Variants in PARL observed in about 807,000 individuals in gnomAD.
The protein encoded by PARL is presenilin-associated rhomboid-like protein, mitochondrial.
In PARL, 44 loss-of-function variants were observed where a neutral mutation model predicts 51.6. The ratio of observed to expected loss-of-function variants is 0.85; its 90% CI spans 0.67 to 1.10. The LOEUF is 1.10. Ranked by LOEUF, PARL falls within the 50% of genes least tolerant of loss-of-function variation. The pLI, the probability that PARL is intolerant of heterozygous loss-of-function variation, is 0.00. For synonymous variants in PARL, 172 were observed against 164.0 expected (o/e 1.05, Z -0.37); for missense variants, 441 against 469.5 (o/e 0.94, Z 0.56).
chr3:183,880,546 C>T lies in PARL; in HGVS notation c.125+4176G>A, dbSNP rs943690083. On this transcript the variant is annotated intron_variant, in intron 1 of 9. Coordinates refer to ENST00000317096, the MANE Select transcript of PARL (RefSeq NM_018622.7). ...CCTCCCAAGTAGCTGAGATTACAGGCGCCTGCCACCACACCTGGCTAATTT... is the reference window on the plus strand; with the variant it reads ...CCTCCCAAGTAGCTGAGATTACAGGTGCCTGCCACCACACCTGGCTAATTT... Among the ~76,000 whole-genome samples the T allele has an allele frequency of 4.6e-5, 7 of 151,956 alleles. No homozygotes were observed. In the East Asian group the frequency reaches 5.8e-4, roughly 13 times the overall value.
chr3:183,840,713 T>C (rs1278871455), intron 6 of PARL, 73 bp from the exon 7 acceptor site: 6 of 801,614 alleles, frequency 7.5e-6, no homozygotes, highest in African/African-American at 1.8e-5. Context: ...TCTTTTCTTT[T>C]TTTTTTTTTT....
intron 1 of PARL, among the ~76,000 whole-genome samples, chr3:183,871,517 CAA>C (rs10718782): frequency 0.021 from 1,808 of 87,794 alleles, 26 homozygotes; most frequent in African/African-American, 0.067. Flanking sequence ...TACACTTGGC[CAA>C]AAAAAAAAAA....
intron 1 of PARL, among the ~76,000 whole-genome samples, chr3:183,868,932 CAGTT>C (rs1027829131): frequency 6.6e-6 from 1 of 152,080 alleles, no homozygotes; most frequent in African/African-American, 2.4e-5. Context: ...GTTACCCCAA[CAGTT>C]AAAAAAAAAT....
At chr3:183,847,298 C>T (rs2108624841) in intron 4 of PARL, among the ~76,000 whole-genome samples, 1 of 152,286 alleles carries the variant, frequency 6.6e-6, no homozygotes, top group East Asian at 1.9e-4. Flanking sequence ...GTGGCTCACG[C>T]CTATAATCCT....
At chr3:183,841,133 A>T (rs561144172) in intron 6 of PARL, among the ~76,000 whole-genome samples, 1 of 152,286 alleles carries the variant, frequency 6.6e-6, no homozygotes, top group Admixed American at 6.5e-5. Context: ...CAGACACACG[A>T]AATCAGAATA....
At chr3:183,864,403 G>T (rs185200604) in intron 3 of PARL, among the ~76,000 whole-genome samples, 2 of 152,166 alleles carry the variant, frequency 1.3e-5, no homozygotes, top group African/African-American at 4.8e-5. Context: ...TAAAAAAACA[G>T]AAGTGCTTGA....
intron 4 of PARL, among the ~76,000 whole-genome samples, chr3:183,848,995 T>C (rs1577321217): frequency 6.6e-6 from 1 of 151,916 alleles, no homozygotes; most frequent in Admixed American, 6.6e-5. Context: ...GGTCAATCCA[T>C]CAAGAAATAG....
intron 1 of PARL, among the ~76,000 whole-genome samples, chr3:183,871,850 C>T (rs1191108186): frequency 2.0e-5 from 3 of 152,130 alleles, no homozygotes; most frequent in Non-Finnish European, 2.9e-5. Context: ...AATACTTATA[C>T]ATTTTACTAT....
chr3:183,867,151 T>C (rs1732589952), intron 2 of PARL, among the ~76,000 whole-genome samples: 1 of 152,002 alleles, frequency 6.6e-6, no homozygotes, highest in East Asian at 1.9e-4. Context: ...TGACCTCAGG[T>C]GATCCACCCA....
At chr3:183,859,547 G>C (rs1731564904) in intron 4 of PARL, among the ~76,000 whole-genome samples, 1 of 152,070 alleles carries the variant, frequency 6.6e-6, no homozygotes, top group South Asian at 2.1e-4. Flanking sequence ...ATGTTGGCCA[G>C]GCTGGTCTCC....
intron 1 of PARL, among the ~76,000 whole-genome samples, chr3:183,880,047 A>G (rs1427348315): frequency 6.6e-6 from 1 of 152,056 alleles, no homozygotes; most frequent in Non-Finnish European, 1.5e-5. Context: ...TAAATTTCTT[A>G]AAGTGTGAAA....
chr3:183,884,594 G>C (rs1734908817), intron 1 of PARL, 128 bp downstream of exon 1: 2 of 878,718 alleles, frequency 2.3e-6, no homozygotes, highest in Non-Finnish European at 3.5e-6. Context: ...GGAGAGAGAA[G>C]GGGCAGGTAA....
intron 7 of PARL, among the ~76,000 whole-genome samples, chr3:183,837,375 A>G (rs1728743862): frequency 6.6e-6 from 1 of 152,202 alleles, no homozygotes; most frequent in Non-Finnish European, 1.5e-5. Flanking sequence ...CCTTTTAGAC[A>G]ATATTTAGAG....
chr3:183,838,026 CT>C (rs112834345), intron 7 of PARL, among the ~76,000 whole-genome samples: 53 of 145,650 alleles, frequency 3.6e-4, no homozygotes, highest in South Asian at 6.5e-4. Context: ...ATTCAACTTT[CT>C]TTTTTTTTTT....
intron 4 of PARL, among the ~76,000 whole-genome samples, chr3:183,853,348 A>T (rs1038526691): frequency 2.0e-5 from 3 of 152,164 alleles, no homozygotes; most frequent in Admixed American, 6.5e-5. Context: ...GGATCATTTG[A>T]AGTCAGGGTT....
At chr3:183,848,059 A>G (rs1308876933) in intron 4 of PARL, among the ~76,000 whole-genome samples, 1 of 152,212 alleles carries the variant, frequency 6.6e-6, no homozygotes, top group Non-Finnish European at 1.5e-5. Flanking sequence ...GAAAAATAAC[A>G]AAGTAAGGAG....
At chr3:183,863,536 TTTG>T (rs905893214) in intron 3 of PARL, among the ~76,000 whole-genome samples, 3 of 152,096 alleles carry the variant, frequency 2.0e-5, no homozygotes, top group African/African-American at 7.2e-5. Flanking sequence ...TGAACCAGAT[TTTG>T]TTATTAAAAG....
rs2108572301 is a variant in PARL, at chr3:183,829,546, G to A, written c.*52C>T. ...ATGGTCACTCTAGCCGATGTCTCCTGGGGCTCTCAGGCGGCAAGGACCAGA... is the reference window on the plus strand; with the variant it reads ...ATGGTCACTCTAGCCGATGTCTCCTAGGGCTCTCAGGCGGCAAGGACCAGA... On this transcript the variant is annotated 3_prime_UTR_variant, in exon 10 of 10. Transcript: ENST00000317096. The A allele has an allele frequency of 5.0e-6, 8 of 1,614,094 alleles. No homozygotes were observed. Among genetic ancestry groups the A allele is most frequent in the South Asian group, 4.4e-5 (4 of 91,078 alleles).
intron 4 of PARL, among the ~76,000 whole-genome samples, chr3:183,855,855 G>A (rs902435218): frequency 1.3e-4 from 20 of 151,980 alleles, no homozygotes; most frequent in African/African-American, 4.3e-4. Flanking sequence ...AGCTACTTGG[G>A]AGGCTAAGGC....
Sources: gnomAD v4.1 joint callset for allele counts (sites outside exome capture counted in the v4.1 genomes callset) on GRCh38, gnomAD v4.1.1 for gene constraint, MANE v1.5 for transcripts, NCBI Gene and HGNC (gene_info 2026-07-23, HGNC 2026-07-21) for gene names.